DNAH6: variants seen among roughly 807,000 people sequenced by gnomAD.
DNAH6 encodes the protein dynein axonemal heavy chain 6, also known as axonemal beta dynein heavy chain 6.
In DNAH6, 340 loss-of-function variants were observed where a neutral mutation model predicts 491.4. The ratio of observed to expected loss-of-function variants is 0.69; its 90% CI spans 0.63 to 0.76. DNAH6 has a LOEUF of 0.76. Among genes scored for constraint, DNAH6 ranks in the 30% least tolerant of loss-of-function variants. The pLI is 0.00. For synonymous variants in DNAH6, 1,603 were observed against 1,686.1 expected, an observed-to-expected ratio of 0.95 and a Z score of 1.21; for missense variants, 4,443 against 4,972.2, an observed-to-expected ratio of 0.89 and a Z score of 3.20.
chr2:84,684,130 T>C (rs1694061590), intron 42 of DNAH6, among the ~76,000 whole-genome samples: 1 of 152,192 alleles, frequency 6.6e-6, no homozygotes, highest in African/African-American at 2.4e-5. Flanking sequence ...GACAAAATAA[T>C]TTGTTTTCTC....
At chr2:84,607,709 G>T (rs917172355) in intron 21 of DNAH6, among the ~76,000 whole-genome samples, 2 of 152,066 alleles carry the variant, frequency 1.3e-5, no homozygotes, top group Non-Finnish European at 2.9e-5. Context: ...ATACTATATT[G>T]CTAAAAATTG....
At chr2:84,542,813 A>G (rs1455867324) in intron 4 of DNAH6, among the ~76,000 whole-genome samples, 1 of 152,186 alleles carries the variant, frequency 6.6e-6, no homozygotes, top group Admixed American at 6.5e-5. Context: ...TATATACATG[A>G]ATTTTCCATA....
At position 84,621,446 on chromosome 2, in the gene DNAH6, G is replaced by T. The variant is rs1389003196; in HGVS notation, c.3966G>T (p.Leu1322=). The change falls in exon 26 of 77, where the codon CTG becomes CTT. Residue 1322 remains leucine, a synonymous_variant. Coordinates refer to ENST00000389394, the MANE Select transcript of DNAH6 (RefSeq NM_001370.2). The part of the protein sequence containing the change: ...VVAGHPSQVI[L]TVSQIMWCRD... ...AACATGTTTTCTTGCAGGTTATCCT[G>T]ACTGTTTCTCAAATTATGTGGTGCC... 1.3e-6 allele frequency: 2 copies of T among 1,540,246 alleles called. No individual in the cohort carries two copies. Among genetic ancestry groups the T allele is most frequent in the South Asian group, 2.4e-5 (2 of 83,848 alleles).
intron 8 of DNAH6, among the ~76,000 whole-genome samples, chr2:84,549,408 C>T (rs549047730): frequency 6.6e-6 from 1 of 152,326 alleles, no homozygotes; most frequent in South Asian, 2.1e-4. Context: ...ACTCAGTCTG[C>T]ATTCTAAGTA....
At chr2:84,699,820 G>C in intron 48 of DNAH6, 86 bp downstream of exon 48, 1 of 1,332,484 alleles carries the variant, frequency 7.5e-7, no homozygotes, top group Non-Finnish European at 1.0e-6. Flanking sequence ...GTAACTCATG[G>C]GTACTTGTAT....
chr2:84,460,036 C>T, the DNAH6 span: 1 of 152,174 alleles, frequency 6.6e-6, no homozygotes, highest in Non-Finnish European at 1.5e-5. Context: ...CAAACAGTTC[C>T]CTCTTCTGTA....
intron 29 of DNAH6, among the ~76,000 whole-genome samples, chr2:84,626,901 C>T (rs904443911): frequency 1.1e-4 from 17 of 152,168 alleles, no homozygotes; most frequent in South Asian, 4.1e-4. Context: ...CCACCGCGCC[C>T]GGCCAGAACC....
intron 45 of DNAH6, among the ~76,000 whole-genome samples, chr2:84,690,142 A>G (rs1694702759): frequency 6.6e-6 from 1 of 152,080 alleles, no homozygotes; most frequent in Admixed American, 6.6e-5. Flanking sequence ...CTACTGCTGC[A>G]GCAAGATTTT....
rs1393149658 is a variant in DNAH6 at position 84,578,089 on chromosome 2, C to G, written c.2076+681C>G. Reference sequence around the variant, plus strand: ...GTAGTTGTGACAGAGACTGTATTGACTGCAAATCTAAAATATTTACTATCT... The same window carrying G: ...GTAGTTGTGACAGAGACTGTATTGAGTGCAAATCTAAAATATTTACTATCT... On this transcript the variant is annotated intron_variant, in intron 13 of 76. Coordinates refer to ENST00000389394, the MANE Select transcript of DNAH6 (RefSeq NM_001370.2). Among the ~76,000 whole-genome samples the G allele has an allele frequency of 2.0e-5, 3 of 152,276 alleles. No individual in the cohort carries two copies. In the East Asian group the frequency reaches 5.8e-4, roughly 29 times the overall value.
chr2:84,648,941 C>T (rs774033416), intron 33 of DNAH6, among the ~76,000 whole-genome samples: 6 of 152,158 alleles, frequency 3.9e-5, no homozygotes, highest in Non-Finnish European at 7.4e-5. Flanking sequence ...AGTCGATGAA[C>T]GTGGCAAACA....
rs1263327336 is a variant in DNAH6, at chr2:84,694,269, A to C, written c.7313A>C (p.Gln2438Pro). 6.4e-7 allele frequency: 1 copy of C among 1,551,948 alleles called. No homozygotes were observed. ...TGCAGGATTGCTCGGATGATACGTC[A>C]AGAAAGAGGCAATGCCCTGCTTGTT... ...HVSRIARMIR[Q>P]ERGNALLVGV... Residue 2438 changes from glutamine (Q) to proline (P), a missense_variant, in exon 46 of 77, where the codon CAA becomes CCA. By Grantham distance (76) the Gln-to-Pro change is moderately conservative. Around this residue, in one of 3 missense-constraint regions of DNAH6, gnomAD observed 2,977 missense variants for 3,296.6 expected, o/e 0.90. Transcript: ENST00000389394.
intron 63 of DNAH6, among the ~76,000 whole-genome samples, chr2:84,752,312 T>C (rs540288914): frequency 5.4e-4 from 82 of 152,338 alleles, no homozygotes; most frequent in Non-Finnish European, 1.1e-3. Context: ...AAGAGTCTCG[T>C]TGATGCTTGG....
the DNAH6 span, chr2:84,459,677 T>TGCGA: frequency 5.4e-6 from 1 of 185,366 alleles, no homozygotes. Context: ...CGAGGTGAGG[T>TGCGA]GCGAAGAGCA....
At chr2:84,762,993 C>A in intron 64 of DNAH6, 48 bp downstream of exon 64, 2 of 1,436,384 alleles carry the variant, frequency 1.4e-6, no homozygotes, top group Non-Finnish European at 1.9e-6. Context: ...ATATGAACAT[C>A]TCTTTGTTAA....
chr2:84,629,181 G>A (rs1688163282), intron 29 of DNAH6, among the ~76,000 whole-genome samples: 1 of 151,930 alleles, frequency 6.6e-6, no homozygotes. Context: ...TATTTGGGTT[G>A]TTTCTAATAT....
chr2:84,791,139 G>A (rs1677692930), intron 68 of DNAH6, among the ~76,000 whole-genome samples: 2 of 149,210 alleles, frequency 1.3e-5, no homozygotes, highest in African/African-American at 2.5e-5. Context: ...GCAGTGAGCC[G>A]AGATCACGCC....
At chr2:84,704,773 A>T (rs1221502842) in intron 51 of DNAH6, among the ~76,000 whole-genome samples, 1 of 152,220 alleles carries the variant, frequency 6.6e-6, no homozygotes, top group Non-Finnish European at 1.5e-5. Context: ...AACACTTCAG[A>T]TTTCATCTTG....
intron 14 of DNAH6, among the ~76,000 whole-genome samples, chr2:84,581,651 G>A (rs1230277725): frequency 6.6e-6 from 1 of 152,138 alleles, no homozygotes; most frequent in East Asian, 1.9e-4. Flanking sequence ...AGGAGGCAAC[G>A]TGACAAAAAC....
At chr2:84,665,211 A>G (rs56280229) in intron 37 of DNAH6, among the ~76,000 whole-genome samples, 1,719 of 152,306 alleles carry the variant, frequency 0.011, 32 homozygotes, top group African/African-American at 0.04. Flanking sequence ...GAGCAAACAC[A>G]TTCAAAAGCT....
Sources: gnomAD v4.1 joint callset for allele counts (sites outside exome capture counted in the v4.1 genomes callset) on GRCh38, gnomAD v4.1.1 for gene constraint, gnomAD v4.1.1 regional missense constraint, MANE v1.5 for transcripts, NCBI Gene and HGNC (gene_info 2026-07-23, HGNC 2026-07-21) for gene names.